GPATCH8: variants seen among roughly 807,000 people sequenced by gnomAD.
GPATCH8 encodes the protein G-patch domain containing 8.
Under a neutral mutation model 118.3 loss-of-function variants are expected in GPATCH8, and 18 were observed. The ratio of observed to expected loss-of-function variants is 0.15; its 90% CI spans 0.11 to 0.23. The LOEUF (loss-of-function observed/expected upper bound fraction) is 0.23, where lower values mean the gene tolerates loss of function less well. GPATCH8 is among the 10% of genes least tolerant of loss of function. GPATCH8 has a pLI of 1.00. For synonymous variants in GPATCH8, 659 were observed against 684.7 expected, an observed-to-expected ratio of 0.96 and a Z score of 0.59; for missense variants, 1,631 against 1,873.8, an observed-to-expected ratio of 0.87 and a Z score of 2.39.
Position 44,427,772 on chromosome 17 carries a change from T to C in GPATCH8, c.349-3280A>G, listed in dbSNP as rs1026971387. On this transcript the variant is annotated intron_variant, in intron 5 of 7. Coordinates refer to ENST00000591680, the MANE Select transcript of GPATCH8 (RefSeq NM_001002909.4). ...CATTTTACTTATTAACATTATATGA[T>C]AGAGTTTTTAAAATGGAAGAGGAAA... is the stretch of plus-strand genomic sequence containing the variant. Among the ~76,000 whole-genome samples the C allele has an allele frequency of 2.6e-5, 4 of 152,312 alleles. No individual in the cohort carries two copies. The East Asian group carries it at 5.8e-4, about 22-fold the overall frequency.
intron 6 of GPATCH8, among the ~76,000 whole-genome samples, chr17:44,420,243 A>G (rs1275488608): frequency 6.6e-6 from 1 of 152,238 alleles, no homozygotes; most frequent in Non-Finnish European, 1.5e-5. Flanking sequence ...AAAGAAGAGT[A>G]ATAAGTGAAT....
chr17:44,503,375 C>A lies in GPATCH8; in HGVS notation c.-5G>T. The A allele has an allele frequency of 1.2e-6, 2 of 1,607,104 alleles. No homozygotes were observed. On this transcript the variant is annotated 5_prime_UTR_variant, in exon 1 of 8. Coordinates refer to ENST00000591680, the MANE Select transcript of GPATCH8 (RefSeq NM_001002909.4). Reference sequence around the variant, plus strand: ...GCGGGAGAAGCGGTCCGCCATTTTGCCGCCTTCACTCCTCTCAGGACGACG... The same window carrying A: ...GCGGGAGAAGCGGTCCGCCATTTTGACGCCTTCACTCCTCTCAGGACGACG...
intron 5 of GPATCH8, 28 bp from the exon 6 acceptor site, chr17:44,424,520 C>CA (rs767644135): frequency 2.1e-5 from 33 of 1,561,054 alleles, no homozygotes; most frequent in Non-Finnish European, 2.9e-5. Context: ...TACAAAGAAA[C>CA]AAAAAATGAA....
chr17:44,421,784 C>T (rs995450965), intron 6 of GPATCH8, among the ~76,000 whole-genome samples: 1 of 151,080 alleles, frequency 6.6e-6, no homozygotes, highest in African/African-American at 2.4e-5. Context: ...TGAAGTACAG[C>T]GACATGATCT....
chr17:44,454,706 A>G (rs2051260278), intron 3 of GPATCH8, among the ~76,000 whole-genome samples: 1 of 152,146 alleles, frequency 6.6e-6, no homozygotes, highest in Non-Finnish European at 1.5e-5. Context: ...TGCAGGGGTG[A>G]GCCACCACAT....
intron 1 of GPATCH8, among the ~76,000 whole-genome samples, chr17:44,487,434 G>A (rs1434847238): frequency 6.6e-6 from 1 of 152,094 alleles, no homozygotes; most frequent in Non-Finnish European, 1.5e-5. Context: ...GCCAAGTTTT[G>A]GCAATTACAA....
chr17:44,398,497 G>C lies in GPATCH8; in HGVS notation c.3580C>G (p.Pro1194Ala). 1 of 1,605,332 alleles carries C rather than the reference G, an allele frequency of 6.2e-7. No homozygotes were observed. Among genetic ancestry groups the C allele is most frequent in the Non-Finnish European group, 8.5e-7 (1 of 1,175,818 alleles). The change falls in exon 8 of 8, where the codon CCT becomes GCT. Residue 1194 changes from proline to alanine, a missense_variant. This residue lies in a region of GPATCH8 where 922 missense variants were observed against 879.7 expected (regional missense o/e 1.05). Coordinates refer to ENST00000591680, the MANE Select transcript of GPATCH8 (RefSeq NM_001002909.4). ...AAGGGGCCAGTTGTTTCCTCTGAAG[G>C]GAACTGATGCCCAAATAGGGCATCA... ...SSDALFGHQF[P>A]SEETTGPLLD...
chr17:44,402,365 G>A (rs1342649575), intron 7 of GPATCH8, among the ~76,000 whole-genome samples: 2 of 148,802 alleles, frequency 1.3e-5, no homozygotes, highest in South Asian at 2.1e-4. Context: ...CTTATGTCAC[G>A]ACTGAAATAG....
intron 3 of GPATCH8, among the ~76,000 whole-genome samples, chr17:44,448,215 AAAC>A (rs1348923440): frequency 6.6e-6 from 1 of 152,170 alleles, no homozygotes; most frequent in Non-Finnish European, 1.5e-5. Context: ...GATGGTAATG[AAAC>A]AACCCCATTT....
chr17:44,492,865 T>A (rs1969364317), intron 1 of GPATCH8, among the ~76,000 whole-genome samples: 1 of 152,072 alleles, frequency 6.6e-6, no homozygotes, highest in African/African-American at 2.4e-5. Context: ...ATGAACAAAA[T>A]GGAATTTTGT....
At chr17:44,490,220 A>G (rs1969136077) in intron 1 of GPATCH8, among the ~76,000 whole-genome samples, 1 of 152,046 alleles carries the variant, frequency 6.6e-6, no homozygotes, top group Non-Finnish European at 1.5e-5. Context: ...AGTGGGGAGG[A>G]TCCCTTGAGT....
intron 6 of GPATCH8, among the ~76,000 whole-genome samples, chr17:44,414,158 T>C (rs1381220973): frequency 1.1e-5 from 1 of 95,124 alleles, no homozygotes; most frequent in East Asian, 3.0e-4. Context: ...TATATATATG[T>C]GTATATATAT....
intron 1 of GPATCH8, among the ~76,000 whole-genome samples, chr17:44,476,161 C>T (rs539986834): frequency 3.3e-5 from 5 of 152,078 alleles, no homozygotes; most frequent in Non-Finnish European, 7.4e-5. Context: ...AGACTGACTA[C>T]ATTAGGAAGA....
chr17:44,493,856 T>C (rs1226577309), intron 1 of GPATCH8, among the ~76,000 whole-genome samples: 2 of 152,242 alleles, frequency 1.3e-5, no homozygotes, highest in Admixed American at 6.5e-5. Context: ...TTCTATTTAC[T>C]TCACTGAATT....
At chr17:44,499,754 A>G (rs992356097) in intron 1 of GPATCH8, among the ~76,000 whole-genome samples, 4 of 152,226 alleles carry the variant, frequency 2.6e-5, no homozygotes, top group African/African-American at 9.6e-5. Context: ...CAATTTGGGA[A>G]CAAATATATC....
chr17:44,440,956 T>C (rs1463263528), intron 3 of GPATCH8, among the ~76,000 whole-genome samples: 1 of 152,162 alleles, frequency 6.6e-6, no homozygotes, highest in African/African-American at 2.4e-5. Context: ...GTTTAAGCAA[T>C]TGTCCTGCCT....
chr17:44,460,263 GTGT>G (rs987863987), intron 3 of GPATCH8, among the ~76,000 whole-genome samples: 2 of 151,802 alleles, frequency 1.3e-5, no homozygotes, highest in African/African-American at 4.8e-5. Context: ...TGCTTTTTTT[GTGT>G]TGTTTCCTTC....
At chr17:44,497,922 G>C (rs928498377) in intron 1 of GPATCH8, among the ~76,000 whole-genome samples, 1 of 151,256 alleles carries the variant, frequency 6.6e-6, no homozygotes, top group Non-Finnish European at 1.5e-5. Flanking sequence ...CTGGACAAAA[G>C]AGCCAGACAC....
chr17:44,457,115 G>A (rs558536357), intron 3 of GPATCH8, among the ~76,000 whole-genome samples: 14 of 151,992 alleles, frequency 9.2e-5, no homozygotes, highest in African/African-American at 2.4e-4. Flanking sequence ...TGCCCGCCTC[G>A]GCCTCCCAAA....
Sources: allele counts gnomAD v4.1 joint callset (sites outside exome capture counted in the v4.1 genomes callset), GRCh38; gene constraint gnomAD v4.1.1; regional missense constraint gnomAD v4.1.1; transcripts MANE v1.5; gene names NCBI Gene and HGNC (gene_info 2026-07-23, HGNC 2026-07-21).